The following NAGA variants were observed in gnomAD, a reference collection of about 807,000 sequenced individuals.
The protein encoded by NAGA is Acetylgalactosaminidase, alpha-N- (alpha-galactosidase B).
A neutral mutation model predicts 45.6 loss-of-function variants in NAGA; 42 were observed. The ratio of observed to expected loss-of-function variants is 0.92; its 90% CI spans 0.72 to 1.19. The LOEUF is 1.19. Among genes scored for constraint, NAGA ranks in the 50% most tolerant of loss-of-function variants. The probability of loss-of-function intolerance (pLI) is 0.00; values close to 1 mark genes in which losing one functional copy is unlikely to be tolerated. For missense variants in NAGA, 493 were observed against 544.8 expected (o/e 0.90, Z 0.95); for synonymous variants, 176 against 203.1 (o/e 0.87, Z 1.13).
intron 8 of NAGA, 55 bp from the exon 9 acceptor site, chr22:42,060,468 C>A: frequency 1.9e-6 from 3 of 1,607,700 alleles, no homozygotes; most frequent in East Asian, 2.2e-5. Flanking sequence ...GCACAGAGAC[C>A]CCCCCCGCTA....
At chr22:42,063,775 T>G (rs1166926594) in intron 6 of NAGA, among the ~76,000 whole-genome samples, 1 of 152,230 alleles carries the variant, frequency 6.6e-6, no homozygotes, top group African/African-American at 2.4e-5. Context: ...CTTCCTTCTT[T>G]AATCTGGTGT....
In NAGA at chr22:42,070,419, C is replaced by T. The variant is rs890191877; in HGVS notation, c.-122G>A. 9 of 1,183,862 alleles carry T rather than the reference C, an allele frequency of 7.6e-6. No individual in the cohort carries two copies. In the African/African-American group the frequency reaches 1.4e-4, roughly 18 times the overall value. The allele number at this position is 1,183,862 out of a possible 1,614,324, so 73.3% of individuals were successfully genotyped here. A position where few individuals can be genotyped will look rare whatever the true frequency, so the allele number is the denominator to read the frequency against. ...ACTGGGGTCACGGCTGCCTGGCTAGCTCGGCCGCCCTCAACCTTAGGCGTG... is the reference window on the plus strand; with the variant it reads ...ACTGGGGTCACGGCTGCCTGGCTAGTTCGGCCGCCCTCAACCTTAGGCGTG... On this transcript the variant is annotated 5_prime_UTR_variant, in exon 1 of 9. Transcript: ENST00000396398.
chr22:42,065,816 GGA>G lies in NAGA; in HGVS notation c.679_680del (p.Ser227HisfsTer23). On this transcript the variant is annotated frameshift_variant, in exon 6 of 9. Transcript: ENST00000396398. LOFTEE classifies it high-confidence loss of function. ...GGTGCTCCACGAACCAATTCAGGAT[GGA>G]GAGCACGCTCCACCAGGAGTCCTGG... ...DIQDSWWSVL[S>X]ILNWFVEHQD... 1 of 1,614,162 alleles carries G rather than the reference GGA, an allele frequency of 6.2e-7. No homozygotes were observed.
chr22:42,067,582 C>G (rs1041363681), intron 3 of NAGA, among the ~76,000 whole-genome samples, 183 bp downstream of exon 3: 1 of 152,222 alleles, frequency 6.6e-6, no homozygotes, highest in African/African-American at 2.4e-5. Flanking sequence ...TCCTAGAATA[C>G]CAGGCTGTGT....
rs370826068 is a variant in NAGA, at chr22:42,067,295, G to A, written c.325-5C>T. On this transcript the variant is annotated splice_region_variant and splice_polypyrimidine_tract_variant and intron_variant, in intron 3 of 8. Coordinates refer to ENST00000396398, the MANE Select transcript of NAGA (RefSeq NM_000262.3). Reference sequence around the variant, plus strand: ...CTTCAGGCCCAGGGAGTGAACCTGTGGGGGTTTGAGGACACAGTGGGCTCA... The same window carrying A: ...CTTCAGGCCCAGGGAGTGAACCTGTAGGGGTTTGAGGACACAGTGGGCTCA... 1.4e-5 allele frequency: 22 copies of A among 1,613,848 alleles called. No homozygotes were observed. The African/African-American group carries it at 2.9e-4, about 22-fold the overall frequency.
rs1292493006 is a variant in NAGA, at chr22:42,068,437, AC to A, written c.152+1del. 1.2e-6 allele frequency: 2 copies of A among 1,613,804 alleles called. No individual in the cohort carries two copies. The highest frequency in any genetic ancestry group is 1.7e-6 in the Non-Finnish European group (2 of 1,179,988). On this transcript the variant is annotated splice_donor_variant, in intron 2 of 8. Transcript: ENST00000396398. LOFTEE classifies it high-confidence loss of function. ...CATCAGGTGAGTGTGGACCTTACTC[AC>A]CTTATGCAGTTCTTTGGGTCCTCAT...
rs1926804079 is a variant in NAGA at position 42,067,364 on chromosome 22, T to C, written c.325-74A>G. ...CCTCCTCAAGGCATATCTGACCCCGTCCCATTAAACCTCCAGTGGCTCCCA... is the reference window on the plus strand; with the variant it reads ...CCTCCTCAAGGCATATCTGACCCCGCCCCATTAAACCTCCAGTGGCTCCCA... On this transcript the variant is annotated intron_variant, in intron 3 of 8. Transcript: ENST00000396398. 3.2e-6 allele frequency: 5 copies of C among 1,574,010 alleles called. No individual in the cohort carries two copies. In the African/African-American group the frequency reaches 5.4e-5, roughly 17 times the overall value.
chr22:42,062,216 G>A (rs1342368856), intron 7 of NAGA, among the ~76,000 whole-genome samples: 1 of 152,140 alleles, frequency 6.6e-6, no homozygotes, highest in Non-Finnish European at 1.5e-5. Flanking sequence ...GCTCATGCCT[G>A]TAATCCCAGC....
At chr22:42,067,640 T>C in intron 3 of NAGA, 125 bp downstream of exon 3, 1 of 814,716 alleles carries the variant, frequency 1.2e-6, no homozygotes, top group South Asian at 1.6e-5. Context: ...CAAAAGTCGG[T>C]GTTCATTTGT....
At position 42,068,446 on chromosome 22, in the gene NAGA, A is replaced by C. The variant is rs768292956; in HGVS notation, c.145T>G (p.Cys49Gly). The change falls in exon 2 of 9, where the codon TGC (cysteine) becomes GGC (glycine). Residue 49 changes from cysteine (C) to glycine (G), a missense_variant. Transcript: ENST00000396398. Reference sequence around the variant, plus strand: ...AGTGTGGACCTTACTCACCTTATGCAGTTCTTTGGGTCCTCATCACAGTTA... The same window carrying C: ...AGTGTGGACCTTACTCACCTTATGCCGTTCTTTGGGTCCTCATCACAGTTA... ...NINCDEDPKN[C>G]ISEQLFMEMA... is the part of the protein sequence containing the mutation. 6.7e-5 allele frequency: 108 copies of C among 1,613,940 alleles called. No individual in the cohort carries two copies. The highest frequency in any genetic ancestry group is 9.0e-5 in the Non-Finnish European group (106 of 1,180,016).
At position 42,060,942 on chromosome 22, in the gene NAGA, G is replaced by A. The variant is rs776461399; in HGVS notation, c.1083C>T (p.Thr361=). Residue 361 remains threonine (T), a synonymous_variant, in exon 8 of 9, where the codon ACC becomes ACT. Transcript: ENST00000396398. ...YHSSLGQLNF[T]GSVIYEAQDV... ...TGCTCACCTCATATATCACAGACCC[G>A]GTGAAGTTCAGCTGGCCAAGGGAGG... 17 of 1,614,054 alleles carry A rather than the reference G, an allele frequency of 1.1e-5. No homozygotes were observed. Among genetic ancestry groups the A allele is most frequent in the East Asian group, 4.5e-5 (2 of 44,892 alleles).
At position 42,067,152 on chromosome 22, in the gene NAGA, G is replaced by C; in HGVS notation, c.463C>G (p.Leu155Val). ...TCGGGGGTGGAGAAGCAGCCATCCA[G>C]CTTGAGCATGTCTACCTTCCACTCG... ...FAEWKVDMLK[L>V]DGCFSTPEER... The change falls in exon 4 of 9, where the codon CTG (leucine) becomes GTG (valine). Residue 155 changes from leucine (L) to valine (V), a missense_variant. Transcript: ENST00000396398. 1 of 1,614,146 alleles carries C rather than the reference G, an allele frequency of 6.2e-7. No homozygotes were observed. The highest frequency in any genetic ancestry group is 8.5e-7 in the Non-Finnish European group (1 of 1,180,012).
In NAGA at chr22:42,065,850, T is replaced by C. The variant is rs751350492; in HGVS notation, c.647A>G (p.Asp216Gly). The C allele has an allele frequency of 6.2e-7, 1 of 1,614,034 alleles. No individual in the cohort carries two copies. The highest frequency in any genetic ancestry group is 1.3e-5 in the African/African-American group (1 of 74,918). Residue 216 changes from aspartate to glycine, a missense_variant, in exon 6 of 9, where the codon GAT becomes GGT. Transcript: ENST00000396398. ...ADICNLWRNY[D>G]DIQDSWWSVL... ...GCTCCACCAGGAGTCCTGGATGTCA[T>C]CATAGTTACGCCAGAGGTTGCAGAT...
chr22:42,069,160 G>A (rs1022633876), intron 1 of NAGA, among the ~76,000 whole-genome samples: 2 of 152,220 alleles, frequency 1.3e-5, no homozygotes, highest in East Asian at 3.8e-4. Flanking sequence ...GAACCCCAGA[G>A]GCGGAGGCTG....
At chr22:42,063,830 A>G (rs1926554161) in intron 6 of NAGA, among the ~76,000 whole-genome samples, 1 of 152,064 alleles carries the variant, frequency 6.6e-6, no homozygotes, top group Non-Finnish European at 1.5e-5. Flanking sequence ...GAGGCAGGTG[A>G]ATCACTTGAG....
At chr22:42,068,804 C>T (rs1926893710) in intron 1 of NAGA, among the ~76,000 whole-genome samples, 2 of 40,952 alleles carry the variant, frequency 4.9e-5, no homozygotes, top group South Asian at 5.7e-4. Flanking sequence ...TGAGGTCTGG[C>T]CGTCACCACA....
At position 42,061,080 on chromosome 22, in the gene NAGA, G is replaced by A; in HGVS notation, c.958-13C>T. Reference sequence around the variant, plus strand: ...TGAGAGATTTTTCCTGGGCACAGAAGGTGGCTACTGGCTGGGGTCCCTTGC... The same window carrying A: ...TGAGAGATTTTTCCTGGGCACAGAAAGTGGCTACTGGCTGGGGTCCCTTGC... On this transcript the variant is annotated splice_polypyrimidine_tract_variant and intron_variant, in intron 7 of 8. Transcript: ENST00000396398. 6.2e-7 allele frequency: 1 copy of A among 1,613,694 alleles called. No individual in the cohort carries two copies. Among genetic ancestry groups the A allele is most frequent in the South Asian group, 1.1e-5 (1 of 91,064 alleles).
intron 6 of NAGA, among the ~76,000 whole-genome samples, chr22:42,063,642 TC>T (rs1926539279): frequency 6.6e-6 from 1 of 152,262 alleles, no homozygotes; most frequent in Non-Finnish European, 1.5e-5. Context: ...GCGTGATGTA[TC>T]ACGACCCTTT....
Position 42,070,643 on chromosome 22 carries a change from G to C in NAGA, c.-346C>G, listed in dbSNP as rs1330385898. 1 of 435,482 alleles carries C rather than the reference G, an allele frequency of 2.3e-6. No homozygotes were observed. The highest frequency in any genetic ancestry group is 4.6e-5 in the East Asian group (1 of 21,696). 27.0% of individuals were successfully genotyped at this position (435,482 alleles called of 1,614,324 possible). ...AGAAAAAGGCAGCCACTGGCTTAAGGTCACCAAGAAAGAGCGGAGGGGCGG... is the reference window on the plus strand; with the variant it reads ...AGAAAAAGGCAGCCACTGGCTTAAGCTCACCAAGAAAGAGCGGAGGGGCGG... On this transcript the variant is annotated 5_prime_UTR_variant, in exon 1 of 9. Coordinates refer to ENST00000396398, the MANE Select transcript of NAGA (RefSeq NM_000262.3).
Sources: allele counts gnomAD v4.1 joint callset (sites outside exome capture counted in the v4.1 genomes callset), GRCh38; gene constraint gnomAD v4.1.1; transcripts MANE v1.5; gene names NCBI Gene and HGNC (gene_info 2026-07-23, HGNC 2026-07-21).